The following COP1 variants were observed in gnomAD, a reference collection of about 807,000 sequenced individuals.
COP1 encodes COP1 E3 ubiquitin ligase.
In COP1, 24 loss-of-function variants were observed where a neutral mutation model predicts 101.3. The observed-to-expected ratio is 0.24, with a 90% CI of 0.17 to 0.33. The LOEUF (loss-of-function observed/expected upper bound fraction) is 0.33, where lower values mean the gene tolerates loss of function less well. Among genes scored for constraint, COP1 ranks in the 10% least tolerant of loss-of-function variants. The pLI is 1.00. For missense variants in COP1, 663 were observed against 906.2 expected (o/e 0.73, Z 3.45); for synonymous variants, 347 against 341.9 (o/e 1.01, Z -0.17).
chr1:176,149,679 A>T (rs1216860290), intron 5 of COP1, among the ~76,000 whole-genome samples: 1 of 152,136 alleles, frequency 6.6e-6, no homozygotes, highest in African/African-American at 2.4e-5. Context: ...AATTGAGACA[A>T]GGATAGAACA....
intron 8 of COP1, 142 bp downstream of exon 8, chr1:176,134,868 C>T (rs919296821): frequency 1.8e-6 from 1 of 548,182 alleles, no homozygotes; most frequent in African/African-American, 1.9e-5. Flanking sequence ...ACAGATGGGC[C>T]ATATGAATAT....
intron 8 of COP1, among the ~76,000 whole-genome samples, chr1:176,117,221 C>T (rs961433948): frequency 3.9e-5 from 6 of 152,080 alleles, no homozygotes; most frequent in African/African-American, 1.4e-4. Flanking sequence ...TATAATCAAA[C>T]CTCATGTGAA....
At chr1:176,035,436 T>A (rs555501592) in intron 14 of COP1, among the ~76,000 whole-genome samples, 2 of 151,574 alleles carry the variant, frequency 1.3e-5, no homozygotes, top group Non-Finnish European at 2.9e-5. Context: ...CTAACATAAT[T>A]AAAATCCCAG....
chr1:176,077,047 A>C (rs1461970050), intron 11 of COP1, among the ~76,000 whole-genome samples: 2 of 152,210 alleles, frequency 1.3e-5, no homozygotes, highest in African/African-American at 4.8e-5. Context: ...AAGTTCTAAT[A>C]GAGGTACAAA....
chr1:176,044,454 G>C (rs1671162176), intron 12 of COP1, among the ~76,000 whole-genome samples: 1 of 152,158 alleles, frequency 6.6e-6, no homozygotes, highest in Non-Finnish European at 1.5e-5. Flanking sequence ...TGCATATTAT[G>C]GAAGAAGTTA....
chr1:175,993,013 C>T (rs1394256078), intron 15 of COP1, among the ~76,000 whole-genome samples: 9 of 151,890 alleles, frequency 5.9e-5, no homozygotes, highest in African/African-American at 2.2e-4. Context: ...CAAACTGACA[C>T]CTCACACCGC....
chr1:176,171,613 T>G (rs1000075685), intron 3 of COP1, among the ~76,000 whole-genome samples: 1 of 152,194 alleles, frequency 6.6e-6, no homozygotes, highest in African/African-American at 2.4e-5. Flanking sequence ...CACAGAGATA[T>G]GAAGTGAGCA....
chr1:176,097,783 C>T (rs578108576), intron 9 of COP1, among the ~76,000 whole-genome samples: 3 of 148,900 alleles, frequency 2.0e-5, no homozygotes, highest in Admixed American at 6.8e-5. Flanking sequence ...GCGGGACAAT[C>T]GCTTGAACAT....
At chr1:176,178,984 A>C (rs371317947) in intron 2 of COP1, among the ~76,000 whole-genome samples, 1 of 149,572 alleles carries the variant, frequency 6.7e-6, no homozygotes, top group Non-Finnish European at 1.5e-5. Flanking sequence ...TTTTTTTTTT[A>C]GTTTTTTTTT....
intron 18 of COP1, among the ~76,000 whole-genome samples, chr1:175,965,439 T>C (rs1382407050): frequency 1.3e-5 from 2 of 152,236 alleles, no homozygotes; most frequent in Non-Finnish European, 2.9e-5. Context: ...TACTTCATCC[T>C]ATTGGGCCAC....
chr1:176,068,969 T>C (rs1450502848), intron 11 of COP1, among the ~76,000 whole-genome samples: 2 of 152,062 alleles, frequency 1.3e-5, no homozygotes, highest in Non-Finnish European at 2.9e-5. Context: ...GGTGGATCAA[T>C]GGGGGCTGGA....
intron 11 of COP1, among the ~76,000 whole-genome samples, chr1:176,067,370 C>T (rs1676176852): frequency 6.6e-6 from 1 of 152,088 alleles, no homozygotes; most frequent in Admixed American, 6.5e-5. Context: ...CTCTGGCCCA[C>T]CGCGCCCCCA....
intron 9 of COP1, among the ~76,000 whole-genome samples, chr1:176,111,514 C>T (rs576474950): frequency 8.5e-5 from 13 of 152,152 alleles, no homozygotes; most frequent in African/African-American, 2.9e-4. Context: ...AGGATGGTTT[C>T]GATCTCTTGA....
chr1:176,024,667 C>T (rs565824493), intron 15 of COP1, among the ~76,000 whole-genome samples: 1 of 152,264 alleles, frequency 6.6e-6, no homozygotes, highest in South Asian at 2.1e-4. Flanking sequence ...AATTGTTCAA[C>T]TGCAGATATG....
At chr1:176,168,697 A>C (rs1387127476) in intron 3 of COP1, 6 of 327,404 alleles carry the variant, frequency 1.8e-5, no homozygotes, top group Non-Finnish European at 3.8e-5. Flanking sequence ...GGAGAGGGAA[A>C]GAGAGCATTC....
chr1:176,032,044 G>A (rs1668731959), intron 14 of COP1, among the ~76,000 whole-genome samples: 2 of 152,144 alleles, frequency 1.3e-5, no homozygotes, highest in South Asian at 4.1e-4. Flanking sequence ...AGTATCCTAA[G>A]AAAGAATTCA....
chr1:175,989,321 G>C (rs1432319913), intron 16 of COP1, 41 bp downstream of exon 16: 4 of 998,078 alleles, frequency 4.0e-6, no homozygotes, highest in Non-Finnish European at 6.5e-6. Flanking sequence ...TAAGTACAGA[G>C]CTCTGTATTA....
At chr1:176,087,801 CACATGTA>C (rs1228515810) in intron 9 of COP1, among the ~76,000 whole-genome samples, 1 of 152,282 alleles carries the variant, frequency 6.6e-6, no homozygotes, top group East Asian at 1.9e-4. Flanking sequence ...AAGACACATG[CACATGTA>C]TGTTTATTGC....
intron 11 of COP1, among the ~76,000 whole-genome samples, chr1:176,059,421 T>C (rs1357615194): frequency 6.6e-6 from 1 of 152,198 alleles, no homozygotes; most frequent in African/African-American, 2.4e-5. Flanking sequence ...TTCTCCTTTA[T>C]ATTAGAATTA....
Sources: gnomAD v4.1 joint callset for allele counts (sites outside exome capture counted in the v4.1 genomes callset) on GRCh38, gnomAD v4.1.1 for gene constraint, MANE v1.5 for transcripts, NCBI Gene and HGNC (gene_info 2026-07-23, HGNC 2026-07-21) for gene names.